TENM4: variants seen among roughly 807,000 people sequenced by gnomAD.
TENM4 encodes teneurin transmembrane protein 4.
A neutral mutation model predicts 243.3 loss-of-function variants in TENM4; 82 were observed. The observed-to-expected ratio is 0.34, with a 90% CI of 0.28 to 0.40. TENM4 has a LOEUF of 0.40. Among genes scored for constraint, TENM4 ranks in the 10% least tolerant of loss-of-function variants. The pLI, the probability that TENM4 is intolerant of heterozygous loss-of-function variation, is 1.00. For synonymous variants in TENM4, 1,412 were observed against 1,456.3 expected, an observed-to-expected ratio of 0.97 and a Z score of 0.69; for missense variants, 3,138 against 3,673.3, an observed-to-expected ratio of 0.85 and a Z score of 3.77.
In TENM4 at chr11:78,701,931, C is replaced by T. The variant is rs745710630; in HGVS notation, c.4682G>A (p.Arg1561Gln). 3.7e-6 allele frequency: 6 copies of T among 1,613,838 alleles called. No homozygotes were observed. The highest frequency in any genetic ancestry group is 2.2e-5 in the East Asian group (1 of 44,886). ...YVADLGNIRI[R>Q]FIRKNKPFLN... The stretch of plus-strand genomic sequence containing the variant: ...GAAAGGCTTGTTCTTCCGGATAAAC[C>T]GAATTCGGATGTTCCCAAGGTCGGC... Residue 1561 changes from arginine (R) to glutamine (Q), a missense_variant, in exon 28 of 34, where the codon CGG becomes CAG. Around this residue, in one of 2 missense-constraint regions of TENM4, gnomAD observed 2,467 missense variants for 3,059.1 expected, o/e 0.81. Coordinates refer to ENST00000278550, the MANE Select transcript of TENM4 (RefSeq NM_001098816.3).
At chr11:79,229,356 A>G (rs947270313) in intron 2 of TENM4, among the ~76,000 whole-genome samples, 1 of 152,200 alleles carries the variant, frequency 6.6e-6, no homozygotes, top group African/African-American at 2.4e-5. Flanking sequence ...TCAAGTCCTG[A>G]ATTTTCTTTC....
intron 2 of TENM4, among the ~76,000 whole-genome samples, chr11:79,280,016 C>T (rs376712834): frequency 4.0e-4 from 60 of 151,412 alleles, no homozygotes; most frequent in African/African-American, 1.4e-3. Flanking sequence ...CAGTGCTCCT[C>T]CCCTCTGGAG....
intron 6 of TENM4, chr11:79,014,805 C>T (rs1444314416): frequency 3.3e-5 from 5 of 152,230 alleles, no homozygotes; most frequent in Non-Finnish European, 7.3e-5. Context: ...TCTACCACAC[C>T]TGTAGCCTTG....
chr11:78,778,970 G>A (rs192985997), intron 16 of TENM4, among the ~76,000 whole-genome samples: 413 of 152,346 alleles, frequency 2.7e-3, no homozygotes, highest in Non-Finnish European at 4.4e-3. Context: ...TGCCAGCTTC[G>A]TCTGGCTTTA....
chr11:79,427,126 C>T (rs1859069202), intron 1 of TENM4, among the ~76,000 whole-genome samples: 1 of 152,156 alleles, frequency 6.6e-6, no homozygotes, highest in South Asian at 2.1e-4. Flanking sequence ...CCCTACACAA[C>T]ACAAGAATGA....
At chr11:79,009,979 T>G (rs1017544899) in intron 6 of TENM4, among the ~76,000 whole-genome samples, 2 of 152,046 alleles carry the variant, frequency 1.3e-5, no homozygotes, top group African/African-American at 2.4e-5. Context: ...GATCTGACAG[T>G]TTTATATAGG....
At position 78,794,169 on chromosome 11, in the gene TENM4, T is replaced by G. The variant is rs1857115943; in HGVS notation, c.2180-7086A>C. On this transcript the variant is annotated intron_variant, in intron 15 of 33. Coordinates refer to ENST00000278550, the MANE Select transcript of TENM4 (RefSeq NM_001098816.3). ...TCTAAGTGTCCCAACTATTTCATGT[T>G]TATGTGCTGGAAAGCATCAGGGAAA... Among the ~76,000 whole-genome samples the G allele has an allele frequency of 3.9e-5, 6 of 152,328 alleles. No homozygotes were observed. The South Asian group carries it at 8.3e-4, about 21-fold the overall frequency.
rs76762848 is a variant in TENM4 at position 79,189,053 on chromosome 11, T to C, written c.-163+26755A>G. On this transcript the variant is annotated intron_variant, in intron 3 of 33. Transcript: ENST00000278550. ...GTGGGATGCCTTTCTTGTTGAATTT[T>C]AGGGAACGTAAAAACATGGGTAGGG... Among the ~76,000 whole-genome samples, 1,344 of 152,302 alleles carry C rather than the reference T, an allele frequency of 8.8e-3. 18 individuals carry two copies. The highest frequency in any genetic ancestry group is 0.031 in the African/African-American group (1,283 of 41,550).
intron 6 of TENM4, among the ~76,000 whole-genome samples, chr11:78,922,147 T>C (rs1463661993): frequency 1.3e-5 from 2 of 152,224 alleles, no homozygotes; most frequent in Admixed American, 6.5e-5. Flanking sequence ...GCAGGCGCTC[T>C]GCAGAACATT....
chr11:78,840,524 C>T (rs986628739), intron 12 of TENM4, among the ~76,000 whole-genome samples: 5 of 152,120 alleles, frequency 3.3e-5, no homozygotes, highest in African/African-American at 4.8e-5. Flanking sequence ...ATTGTGCTGG[C>T]GTTTCAACAG....
chr11:79,122,466 A>C (rs1046663908), intron 4 of TENM4, among the ~76,000 whole-genome samples: 3 of 152,150 alleles, frequency 2.0e-5, no homozygotes, highest in African/African-American at 7.2e-5. Context: ...AAGGAAGCTG[A>C]GACTTGGAAG....
At chr11:78,710,683 G>A (rs112491569) in intron 26 of TENM4, among the ~76,000 whole-genome samples, 1 of 152,296 alleles carries the variant, frequency 6.6e-6, no homozygotes, top group South Asian at 2.1e-4. Flanking sequence ...TCTGTCCCCT[G>A]ATTAATTACC....
intron 2 of TENM4, among the ~76,000 whole-genome samples, chr11:79,223,464 C>T (rs1864203004): frequency 6.6e-6 from 1 of 152,200 alleles, no homozygotes; most frequent in African/African-American, 2.4e-5. Flanking sequence ...TTGTCCCAGA[C>T]CTCTGGGCCT....
chr11:78,754,633 G>A (rs2135948311), intron 19 of TENM4, among the ~76,000 whole-genome samples: 1 of 152,238 alleles, frequency 6.6e-6, no homozygotes, highest in Admixed American at 6.5e-5. Flanking sequence ...CTCACACTGT[G>A]GGAAGGCCTA....
chr11:79,219,741 C>T (rs924940806), intron 2 of TENM4, among the ~76,000 whole-genome samples: 1 of 152,150 alleles, frequency 6.6e-6, no homozygotes, highest in Non-Finnish European at 1.5e-5. Flanking sequence ...TTTCTTCTCC[C>T]AGTGCATCTC....
At chr11:79,238,993 C>T (rs1437354183) in intron 2 of TENM4, among the ~76,000 whole-genome samples, 2 of 152,072 alleles carry the variant, frequency 1.3e-5, no homozygotes, top group Non-Finnish European at 2.9e-5. Flanking sequence ...CCATTCCACT[C>T]CAGCCTCAGT....
chr11:79,154,604 G>T (rs1862567716), intron 3 of TENM4, among the ~76,000 whole-genome samples: 1 of 152,064 alleles, frequency 6.6e-6, no homozygotes, highest in Non-Finnish European at 1.5e-5. Flanking sequence ...TCCAAACCAG[G>T]CATCTTTCAG....
At chr11:79,401,991 C>A in intron 1 of TENM4, 2 of 378,512 alleles carry the variant, frequency 5.3e-6, no homozygotes, top group Non-Finnish European at 1.2e-5. Context: ...GGAGGGTGTG[C>A]AGGGTGAGAA....
chr11:78,737,551 G>GA (rs1406225017), intron 20 of TENM4, among the ~76,000 whole-genome samples: 1 of 152,210 alleles, frequency 6.6e-6, no homozygotes, highest in Non-Finnish European at 1.5e-5. Flanking sequence ...AACACAGAGT[G>GA]AAAATCAACC....
Sources: allele counts gnomAD v4.1 joint callset (sites outside exome capture counted in the v4.1 genomes callset), GRCh38; gene constraint gnomAD v4.1.1; regional missense constraint gnomAD v4.1.1; transcripts MANE v1.5; gene names NCBI Gene and HGNC (gene_info 2026-07-23, HGNC 2026-07-21).